Variants in C3orf20 observed in about 807,000 individuals in gnomAD.
C3orf20 encodes the protein family with sequence similarity 149 member C.
C3orf20 carries 76 observed loss-of-function variants against 88.3 expected under a neutral mutation model. The observed-to-expected ratio is 0.86, with a 90% CI of 0.72 to 1.04. The LOEUF is 1.04. Ranked by LOEUF, C3orf20 falls within the 50% of genes least tolerant of loss-of-function variation. C3orf20 has a pLI of 0.00. For missense variants in C3orf20, 1,056 were observed against 1,123.3 expected (o/e 0.94, Z 0.86); for synonymous variants, 436 against 437.4 (o/e 1.00, Z 0.04).
Position 14,732,472 on chromosome 3 carries a change from T to A in C3orf20, c.1940+3784T>A, listed in dbSNP as rs2034566966. Reference sequence around the variant, plus strand: ...AGTGTATTTGCAGAGTAAAATGTATTTGGATGAAGTCTAATTGAAATAGGT... The same window carrying A: ...AGTGTATTTGCAGAGTAAAATGTATATGGATGAAGTCTAATTGAAATAGGT... On this transcript the variant is annotated intron_variant, in intron 12 of 16. Transcript: ENST00000253697. Among the ~76,000 whole-genome samples the A allele has an allele frequency of 2.0e-5, 3 of 152,244 alleles. No individual in the cohort carries two copies. The South Asian group carries it at 6.2e-4, about 32-fold the overall frequency.
At chr3:14,677,390 T>C (rs954463825) in intron 1 of C3orf20, among the ~76,000 whole-genome samples, 1 of 152,146 alleles carries the variant, frequency 6.6e-6, no homozygotes, top group Non-Finnish European at 1.5e-5. Context: ...CGTCTTCCCT[T>C]TTCCTCCCTG....
chr3:14,695,930 A>G (rs2032976612), intron 5 of C3orf20, among the ~76,000 whole-genome samples: 2 of 151,858 alleles, frequency 1.3e-5, no homozygotes, highest in Admixed American at 1.3e-4. Context: ...TATCCATCCA[A>G]CAACCCTATG....
At chr3:14,691,184 TTCC>T (rs1188488548) in intron 5 of C3orf20, among the ~76,000 whole-genome samples, 1 of 152,244 alleles carries the variant, frequency 6.6e-6, no homozygotes, top group African/African-American at 2.4e-5. Flanking sequence ...GACCTCCTCC[TTCC>T]GGGCACGGAG....
rs578249597 is a variant in C3orf20 at position 14,755,312 on chromosome 3, A to T, written c.1941-2059A>T. Reference sequence around the variant, plus strand: ...TTCTTTCATGTAGTTGACTTTATCAATCTTTTTCTATTATGACTTCTGGAT... The same window carrying T: ...TTCTTTCATGTAGTTGACTTTATCATTCTTTTTCTATTATGACTTCTGGAT... On this transcript the variant is annotated intron_variant, in intron 12 of 16. Coordinates refer to ENST00000253697, the MANE Select transcript of C3orf20 (RefSeq NM_032137.5). 2.0e-5 allele frequency among the ~76,000 whole-genome samples: 3 copies of T among 152,236 alleles called. No individual in the cohort carries two copies. The South Asian group carries it at 6.2e-4, about 32-fold the overall frequency.
At chr3:14,718,013 T>C (rs965932671) in intron 9 of C3orf20, among the ~76,000 whole-genome samples, 1 of 152,190 alleles carries the variant, frequency 6.6e-6, no homozygotes, top group Non-Finnish European at 1.5e-5. Context: ...CATCTAGGTG[T>C]GGTTGTCTTC....
chr3:14,772,215 T>G lies in C3orf20; in HGVS notation c.2630+14T>G. ...GGAGGCTGAGAAGTAGGTGACCACA[T>G]CAGCTGCCAGAATGGGCGTGGCTCA... On this transcript the variant is annotated intron_variant, in intron 16 of 16. Coordinates refer to ENST00000253697, the MANE Select transcript of C3orf20 (RefSeq NM_032137.5). The surrounding 1 kb of genome is among the most constrained non-coding windows in gnomAD (Gnocchi z 4.2). The G allele has an allele frequency of 6.2e-7, 1 of 1,614,168 alleles. No individual in the cohort carries two copies. The highest frequency in any genetic ancestry group is 1.3e-5 in the African/African-American group (1 of 75,064).
chr3:14,762,602 G>A (rs2035593806), intron 15 of C3orf20, among the ~76,000 whole-genome samples: 1 of 152,192 alleles, frequency 6.6e-6, no homozygotes, highest in Non-Finnish European at 1.5e-5. Flanking sequence ...TTCAAAATGA[G>A]GAAATAATGC....
chr3:14,729,370 A>G (rs1476068957), intron 12 of C3orf20, among the ~76,000 whole-genome samples: 1 of 152,200 alleles, frequency 6.6e-6, no homozygotes, highest in Non-Finnish European at 1.5e-5. Flanking sequence ...GTCCAAAGGC[A>G]CTGAGGCAGG....
intron 3 of C3orf20, among the ~76,000 whole-genome samples, chr3:14,684,002 A>G (rs1268532255): frequency 1.3e-5 from 2 of 152,044 alleles, no homozygotes; most frequent in South Asian, 2.1e-4. Context: ...TCAGAAACCA[A>G]TAGCATCGGT....
chr3:14,731,248 T>C (rs1379892147), intron 12 of C3orf20, among the ~76,000 whole-genome samples: 1 of 152,218 alleles, frequency 6.6e-6, no homozygotes, highest in East Asian at 1.9e-4. Flanking sequence ...GTATACAGCC[T>C]TTCGAATCTA....
At chr3:14,770,470 C>A (rs1289371336) in intron 15 of C3orf20, among the ~76,000 whole-genome samples, 1 of 152,102 alleles carries the variant, frequency 6.6e-6, no homozygotes, top group Non-Finnish European at 1.5e-5. Context: ...TTGATCTATA[C>A]AAACAAAACA....
intron 15 of C3orf20, among the ~76,000 whole-genome samples, chr3:14,764,498 ATTATTATTATTG>A (rs890044003): frequency 6.7e-6 from 1 of 149,384 alleles, no homozygotes. Flanking sequence ...TATTATTATT[ATTATTATTATTG>A]TTGTTGTTGT....
chr3:14,717,782 G>GT (rs1021823053), intron 9 of C3orf20, among the ~76,000 whole-genome samples: 18 of 151,524 alleles, frequency 1.2e-4, no homozygotes, highest in Non-Finnish European at 1.8e-4. Context: ...TTCTGGCAAT[G>GT]TTTTTTTTCC....
chr3:14,772,304 C>A lies in C3orf20; in HGVS notation c.2630+103C>A. 2 of 1,398,950 alleles carry A rather than the reference C, an allele frequency of 1.4e-6. No homozygotes were observed. The highest frequency in any genetic ancestry group is 2.5e-5 in the South Asian group (2 of 80,330). The allele number at this position is 1,398,950 out of a possible 1,614,324, so 86.7% of individuals were successfully genotyped here. ...CACTACCCCCAGGCGTGGCCTGGGT[C>A]ATGTCCAACCATCGCTGACATCTAG... On this transcript the variant is annotated intron_variant, in intron 16 of 16. Transcript: ENST00000253697. This position sits in a 1 kb window ranked among gnomAD's most constrained non-coding sequence, Gnocchi z 4.2.
chr3:14,746,650 T>C (rs1393919287), intron 12 of C3orf20, among the ~76,000 whole-genome samples: 2 of 152,132 alleles, frequency 1.3e-5, no homozygotes, highest in Non-Finnish European at 2.9e-5. Flanking sequence ...TCTCACATTG[T>C]GGGGAAGGTG....
At chr3:14,727,068 C>G in intron 11 of C3orf20, 44 bp downstream of exon 11, 1 of 1,610,906 alleles carries the variant, frequency 6.2e-7, no homozygotes, top group Non-Finnish European at 8.5e-7. Context: ...TGTTGGCTTC[C>G]CCAGTCCTGA....
intron 12 of C3orf20, among the ~76,000 whole-genome samples, chr3:14,731,504 C>T (rs2034540343): frequency 6.6e-6 from 1 of 152,214 alleles, no homozygotes; most frequent in Non-Finnish European, 1.5e-5. Flanking sequence ...ATCTGAAGGA[C>T]ACAGGTGTGT....
chr3:14,743,978 G>GGT (rs2034989361), intron 12 of C3orf20, among the ~76,000 whole-genome samples: 1 of 152,008 alleles, frequency 6.6e-6, no homozygotes, highest in Admixed American at 6.5e-5. Context: ...GATATGGCCT[G>GGT]GAGACATTTT....
intron 12 of C3orf20, among the ~76,000 whole-genome samples, chr3:14,754,619 C>T (rs1190327014): frequency 6.6e-6 from 1 of 152,192 alleles, no homozygotes. Flanking sequence ...TTGCCAGCTT[C>T]ATTGTTGATC....
Sources: allele counts gnomAD v4.1 joint callset (sites outside exome capture counted in the v4.1 genomes callset), GRCh38; gene constraint gnomAD v4.1.1; non-coding constraint Gnocchi (gnomAD v3.1); transcripts MANE v1.5; gene names NCBI Gene and HGNC (gene_info 2026-07-23, HGNC 2026-07-21).